ACSF3: variants seen among roughly 807,000 people sequenced by gnomAD.
ACSF3 encodes malonate--CoA ligase ACSF3, mitochondrial.
A neutral mutation model predicts 53.2 loss-of-function variants in ACSF3; 78 were observed. The observed-to-expected ratio is 1.47, with a 90% confidence interval of 1.22 to 1.77. ACSF3 has a LOEUF of 1.77. ACSF3 is among the 40% of genes most tolerant of loss of function. ACSF3 has a pLI of 0.00. For synonymous variants in ACSF3, 414 were observed against 333.1 expected (o/e 1.24, Z -2.65); for missense variants, 937 against 771.1 (o/e 1.22, Z -2.55).
chr16:89,101,899 G>A lies in ACSF3; in HGVS notation c.666+552G>A, dbSNP rs138045432. Reference sequence around the variant, plus strand: ...GTACCCCACGGAGTCGTGGGCTGACGAGGCGCCATGAGCACACAGCAGGCT... The same window carrying A: ...GTACCCCACGGAGTCGTGGGCTGACAAGGCGCCATGAGCACACAGCAGGCT... On this transcript the variant is annotated intron_variant, in intron 3 of 10. Coordinates refer to ENST00000614302, the MANE Select transcript of ACSF3 (RefSeq NM_001243279.3). Among the ~76,000 whole-genome samples, 936 of 152,322 alleles carry A rather than the reference G, an allele frequency of 6.1e-3. 9 individuals are homozygous for A. The highest frequency in any genetic ancestry group is 0.021 in the African/African-American group (882 of 41,568).
chr16:89,133,071 T>A lies in ACSF3; in HGVS notation c.1240-65T>A. 3 of 1,610,280 alleles carry A rather than the reference T, an allele frequency of 1.9e-6. No homozygotes were observed. In the African/African-American group the frequency reaches 4.0e-5, roughly 21 times the overall value. ...GGTGGGCAGGGAGCAGCCCACAGTT[T>A]CAGAAAGCACCAATCCCAAGAGGGT... On this transcript the variant is annotated intron_variant, in intron 7 of 10. Transcript: ENST00000614302.
At chr16:89,148,762 G>C (rs1167777125) in intron 10 of ACSF3, 2 of 152,226 alleles carry the variant, frequency 1.3e-5, no homozygotes, top group Non-Finnish European at 2.9e-5. Context: ...TAGCCCCAGA[G>C]CAACAGGGAT....
intron 3 of ACSF3, chr16:89,102,356 C>G (rs890467547): frequency 3.6e-6 from 2 of 556,740 alleles, no homozygotes; most frequent in East Asian, 3.2e-5. Context: ...CTTCTAAATT[C>G]CCTAAAGCCT....
intron 5 of ACSF3, 196 bp from the exon 6 acceptor site, chr16:89,114,143 C>T (rs1045444818): frequency 2.3e-5 from 16 of 684,540 alleles, no homozygotes; most frequent in African/African-American, 5.3e-5. Context: ...AACAAAGTCA[C>T]GCCGTAGCGC....
At chr16:89,114,854 C>A in intron 6 of ACSF3, 2 of 359,868 alleles carry the variant, frequency 5.6e-6, no homozygotes, top group Non-Finnish European at 1.1e-5. Context: ...TGGCAGCCTC[C>A]GTCTGTCTGG....
At chr16:89,104,266 C>T (rs1025381202) in intron 4 of ACSF3, among the ~76,000 whole-genome samples, 1 of 152,222 alleles carries the variant, frequency 6.6e-6, no homozygotes. Flanking sequence ...TGGAAAAGCC[C>T]TTAGAATTTG....
chr16:89,115,594 C>T (rs186569398), intron 6 of ACSF3, among the ~76,000 whole-genome samples: 2 of 152,332 alleles, frequency 1.3e-5, no homozygotes, highest in East Asian at 1.9e-4. Context: ...CATTTGTGTG[C>T]AGGTTTCTGT....
intron 10 of ACSF3, chr16:89,152,936 A>C (rs1488802420): frequency 1.3e-5 from 2 of 152,132 alleles, no homozygotes; most frequent in Non-Finnish European, 2.9e-5. Context: ...CGAGGTTGAC[A>C]GCGACACCGA....
chr16:89,135,738 C>T (rs547033877), intron 8 of ACSF3, among the ~76,000 whole-genome samples: 4 of 152,340 alleles, frequency 2.6e-5, no homozygotes, highest in East Asian at 1.9e-4. Flanking sequence ...CTGAATGCCC[C>T]GACCCCAATC....
intron 7 of ACSF3, among the ~76,000 whole-genome samples, chr16:89,121,368 G>T (rs1692992888): frequency 6.6e-6 from 1 of 152,200 alleles, no homozygotes. Context: ...GTAGGTGTGG[G>T]GAGATTCACG....
chr16:89,102,289 A>T, intron 3 of ACSF3: 1 of 424,090 alleles, frequency 2.4e-6, no homozygotes. Context: ...CCTGAGTCCC[A>T]GGCTTGGGCA....
intron 4 of ACSF3, among the ~76,000 whole-genome samples, chr16:89,108,417 C>A (rs867100084): frequency 3.3e-5 from 5 of 152,296 alleles, no homozygotes; most frequent in Middle Eastern, 3.4e-3. Context: ...AATTTTGTTT[C>A]ACTGAAAATG....
intron 7 of ACSF3, among the ~76,000 whole-genome samples, chr16:89,125,584 G>C (rs527504822): frequency 2.0e-5 from 3 of 151,892 alleles, no homozygotes; most frequent in Non-Finnish European, 2.9e-5. Flanking sequence ...CCAGCTACTC[G>C]GGAGGCTGAG....
chr16:89,145,414 A>T lies in ACSF3; in HGVS notation c.1501+13A>T. ...CCCAGCATCACAGGTGCGTGGCCGG[A>T]CTTGGGCCAGGGAGGCCAGGCTAGA... On this transcript the variant is annotated intron_variant, in intron 9 of 10. Coordinates refer to ENST00000614302, the MANE Select transcript of ACSF3 (RefSeq NM_001243279.3). 6.2e-7 allele frequency: 1 copy of T among 1,613,886 alleles called. No individual in the cohort carries two copies. The highest frequency in any genetic ancestry group is 8.5e-7 in the Non-Finnish European group (1 of 1,179,980).
At chr16:89,128,972 GA>G (rs60885493) in intron 7 of ACSF3, among the ~76,000 whole-genome samples, 142,622 of 151,274 alleles carry the variant, frequency 0.94, 67,713 homozygotes, top group Non-Finnish European at 0.98. Flanking sequence ...CAAAAAGTTG[GA>G]AAAAAAAAAA....
At chr16:89,126,275 G>A (rs1363038999) in intron 7 of ACSF3, among the ~76,000 whole-genome samples, 1 of 151,956 alleles carries the variant, frequency 6.6e-6, no homozygotes, top group African/African-American at 2.4e-5. Flanking sequence ...GGGGAGAGTT[G>A]TTTGTTTTTT....
intron 7 of ACSF3, among the ~76,000 whole-genome samples, chr16:89,125,942 T>A (rs28663390): frequency 1.6e-5 from 1 of 62,280 alleles, no homozygotes; most frequent in Non-Finnish European, 3.6e-5. Flanking sequence ...CGTAGATCCG[T>A]GAACACGGTA....
At position 89,122,074 on chromosome 16, in the gene ACSF3, G is replaced by A. The variant is rs564856591; in HGVS notation, c.1239+1161G>A. Among the ~76,000 whole-genome samples the A allele has an allele frequency of 2.6e-5, 3 of 114,622 alleles. No homozygotes were observed. In the South Asian group the frequency reaches 8.7e-4, roughly 33 times the overall value. 75.2% of individuals were successfully genotyped at this position (114,622 alleles called of 152,430 possible). ...AACCTCTCACCTGGGGCCACCTGCAGTGGCCGCACCTTGTGTGGAGGGCCG... is the reference window on the plus strand; with the variant it reads ...AACCTCTCACCTGGGGCCACCTGCAATGGCCGCACCTTGTGTGGAGGGCCG... On this transcript the variant is annotated intron_variant, in intron 7 of 10. Coordinates refer to ENST00000614302, the MANE Select transcript of ACSF3 (RefSeq NM_001243279.3).
chr16:89,124,803 T>C (rs1907641911), intron 7 of ACSF3, among the ~76,000 whole-genome samples: 1 of 152,216 alleles, frequency 6.6e-6, no homozygotes, highest in Admixed American at 6.5e-5. Context: ...TGTGTGATAT[T>C]TGTTGAAAAG....
Sources: gnomAD v4.1 joint callset for allele counts (sites outside exome capture counted in the v4.1 genomes callset) on GRCh38, gnomAD v4.1.1 for gene constraint, MANE v1.5 for transcripts, NCBI Gene and HGNC (gene_info 2026-07-23, HGNC 2026-07-21) for gene names.